Variants in FAM200B observed in about 807,000 individuals in gnomAD.
The protein encoded by FAM200B is zinc finger BED-type containing 11.
Under a neutral mutation model 33.1 loss-of-function variants are expected in FAM200B, and 32 were observed. The ratio of observed to expected loss-of-function variants is 0.97; its 90% CI spans 0.73 to 1.30. The LOEUF (loss-of-function observed/expected upper bound fraction) is 1.30. Ranked by LOEUF, FAM200B falls within the 50% of genes most tolerant of loss-of-function variation. The probability of loss-of-function intolerance (pLI) is 0.00; values close to 1 mark genes in which losing one functional copy is unlikely to be tolerated. For synonymous variants in FAM200B, 240 were observed against 264.8 expected, an observed-to-expected ratio of 0.91 and a Z score of 0.91; for missense variants, 741 against 754.0, an observed-to-expected ratio of 0.98 and a Z score of 0.20.
the FAM200B span, among the ~76,000 whole-genome samples, chr4:15,672,775 A>C: frequency 2.0e-5 from 3 of 152,214 alleles, no homozygotes; most frequent in African/African-American, 7.2e-5. Context: ...CTTCAACAGT[A>C]AATTTTTATT....
the FAM200B span, among the ~76,000 whole-genome samples, chr4:15,656,950 C>G: frequency 1.3e-5 from 2 of 149,920 alleles, no homozygotes; most frequent in African/African-American, 4.8e-5. Context: ...CTGACAGTAC[C>G]CCCAGAGTCA....
At chr4:15,668,135 A>G in the FAM200B span, among the ~76,000 whole-genome samples, 3 of 151,976 alleles carry the variant, frequency 2.0e-5, no homozygotes, top group Non-Finnish European at 4.4e-5. Flanking sequence ...ATAAAATTCA[A>G]TTATTTGTGA....
At chr4:15,674,891 C>T in the FAM200B span, among the ~76,000 whole-genome samples, 1 of 152,148 alleles carries the variant, frequency 6.6e-6, no homozygotes, top group Non-Finnish European at 1.5e-5. Context: ...CCTTGTGATC[C>T]GTCTGCCTCG....
chr4:15,636,977 A>AT, the FAM200B span, among the ~76,000 whole-genome samples: 1 of 152,346 alleles, frequency 6.6e-6, no homozygotes, highest in South Asian at 2.1e-4. Context: ...ACTTTGTAGC[A>AT]TTAAGCAGCA....
At chr4:15,662,766 A>T in the FAM200B span, among the ~76,000 whole-genome samples, 1 of 152,230 alleles carries the variant, frequency 6.6e-6, no homozygotes, top group African/African-American at 2.4e-5. Flanking sequence ...ATACTATAGT[A>T]AGATGTAATT....
chr4:15,683,807 T>G (rs1718576286), intron 1 of FAM200B, among the ~76,000 whole-genome samples: 1 of 152,256 alleles, frequency 6.6e-6, no homozygotes, highest in Non-Finnish European at 1.5e-5. Context: ...GATAACTTAT[T>G]TGTTACTGAC....
At chr4:15,664,040 AG>A in the FAM200B span, among the ~76,000 whole-genome samples, 1 of 152,190 alleles carries the variant, frequency 6.6e-6, no homozygotes, top group African/African-American at 2.4e-5. Context: ...AATTTGCCCA[AG>A]ACTACCCCAT....
chr4:15,689,036 A>T lies in FAM200B; in HGVS notation c.*85A>T. 1 of 956,538 alleles carries T rather than the reference A, an allele frequency of 1.0e-6. No individual in the cohort carries two copies. The highest frequency in any genetic ancestry group is 1.4e-6 in the Non-Finnish European group (1 of 710,368). 59.3% of individuals were successfully genotyped at this position (956,538 alleles called of 1,614,324 possible). On this transcript the variant is annotated 3_prime_UTR_variant, in exon 2 of 2. Transcript: ENST00000422728. ...TGTTATATTTAAATGGTACTATAAT[A>T]CTGTGATACTTTTGTTATGTTTTAA... is the stretch of plus-strand genomic sequence containing the variant.
At chr4:15,652,650 T>C in the FAM200B span, among the ~76,000 whole-genome samples, 1 of 152,188 alleles carries the variant, frequency 6.6e-6, no homozygotes, top group African/African-American at 2.4e-5. Flanking sequence ...TAACATAACT[T>C]TGGAATACAT....
In FAM200B at chr4:15,687,348, G is replaced by A. The variant is rs1352485198; in HGVS notation, c.371G>A (p.Arg124Lys). The A allele has an allele frequency of 3.9e-6, 6 of 1,543,986 alleles. No homozygotes were observed. Among genetic ancestry groups the A allele is most frequent in the Non-Finnish European group, 5.2e-6 (6 of 1,143,850 alleles). ...GATAAGCCTCTTGAATATTTTCAAA[G>A]AAAGAAAAAAGACATAAAGTTATCA... Reference protein sequence around the residue: ...LIDKPLEYFQRKKKDIKLSTQ... With the variant: ...LIDKPLEYFQKKKKDIKLSTQ... The change falls in exon 2 of 2, where the codon AGA becomes AAA. Residue 124 changes from arginine (R) to lysine (K), a missense_variant. Physicochemically the swap from Arg to Lys is conservative, Grantham distance 26 (BLOSUM62 2). Transcript: ENST00000422728.
the FAM200B span, among the ~76,000 whole-genome samples, chr4:15,658,191 T>C: frequency 1.3e-5 from 2 of 152,246 alleles, no homozygotes; most frequent in African/African-American, 4.8e-5. Flanking sequence ...GACACAGCAC[T>C]TTCCCTAATA....
the FAM200B span, among the ~76,000 whole-genome samples, chr4:15,676,062 T>C: frequency 6.6e-6 from 1 of 152,214 alleles, no homozygotes; most frequent in Admixed American, 6.5e-5. Context: ...TACTTAACTT[T>C]CTGGATCTTA....
the FAM200B span, among the ~76,000 whole-genome samples, chr4:15,662,311 A>C: frequency 1.3e-5 from 2 of 150,524 alleles, no homozygotes; most frequent in Non-Finnish European, 3.0e-5. Context: ...TTCATATTTA[A>C]GTTCAAAGGT....
the FAM200B span, chr4:15,644,716 A>G: frequency 1.3e-6 from 2 of 1,583,642 alleles, no homozygotes; most frequent in East Asian, 2.2e-5. Flanking sequence ...AAGCTGAATA[A>G]AAATTTAAAA....
the FAM200B span, among the ~76,000 whole-genome samples, chr4:15,673,946 T>C: frequency 6.6e-6 from 1 of 152,368 alleles, no homozygotes; most frequent in South Asian, 2.1e-4. Flanking sequence ...CTGTCCTTCA[T>C]TGCCTGATAT....
chr4:15,671,204 G>T, the FAM200B span, among the ~76,000 whole-genome samples: 2,613 of 152,010 alleles, frequency 0.017, 73 homozygotes, highest in African/African-American at 0.059. Flanking sequence ...GATTACAGGC[G>T]TGAGTCACTG....
chr4:15,683,607 A>G (rs1192295156), intron 1 of FAM200B, among the ~76,000 whole-genome samples: 6 of 152,160 alleles, frequency 3.9e-5, no homozygotes, highest in African/African-American at 1.4e-4. Flanking sequence ...TCTTTTTTTC[A>G]GGTAGATTTA....
chr4:15,645,702 C>T, the FAM200B span, among the ~76,000 whole-genome samples: 2 of 152,182 alleles, frequency 1.3e-5, no homozygotes, highest in Admixed American at 6.5e-5. Flanking sequence ...GCTGGGATTA[C>T]AGGTATAAGC....
At chr4:15,642,659 T>G in the FAM200B span, among the ~76,000 whole-genome samples, 1 of 152,242 alleles carries the variant, frequency 6.6e-6, no homozygotes, top group Admixed American at 6.5e-5. Flanking sequence ...CTCTTACGAC[T>G]TTACACATTT....
Sources: allele counts gnomAD v4.1 joint callset (sites outside exome capture counted in the v4.1 genomes callset), GRCh38; gene constraint gnomAD v4.1.1; transcripts MANE v1.5; gene names NCBI Gene and HGNC (gene_info 2026-07-23, HGNC 2026-07-21).